MRTFA: variants seen among roughly 807,000 people sequenced by gnomAD.
The protein encoded by MRTFA is myocardin related transcription factor A, also known as myocardin-related transcription factor A.
In MRTFA, 20 loss-of-function variants were observed where a neutral mutation model predicts 83.5. The observed-to-expected ratio is 0.24, with a 90% CI of 0.17 to 0.35. The LOEUF is 0.35. MRTFA is among the 10% of genes least tolerant of loss of function. The pLI, the probability that MRTFA is intolerant of heterozygous loss-of-function variation, is 1.00. For synonymous variants in MRTFA, 659 were observed against 541.2 expected (o/e 1.22, Z -3.02); for missense variants, 1,200 against 1,224.7 (o/e 0.98, Z 0.30).
intron 3 of MRTFA, among the ~76,000 whole-genome samples, chr22:40,529,962 C>T (rs180898503): frequency 3.3e-5 from 5 of 152,290 alleles, no homozygotes; most frequent in Non-Finnish European, 7.4e-5. Context: ...GGTGTGCATA[C>T]ATACATGCAC....
In MRTFA at chr22:40,611,465, G is replaced by A. The variant is rs142854914; in HGVS notation, c.-83-16730C>T. On this transcript the variant is annotated intron_variant, in intron 1 of 14. Transcript: ENST00000355630. Reference sequence around the variant, plus strand: ...TTACTGTGTTGCCCAGGCTGGTCTCGAATTCCCAGCCTCAAGTAATCCTCC... The same window carrying A: ...TTACTGTGTTGCCCAGGCTGGTCTCAAATTCCCAGCCTCAAGTAATCCTCC... Among the ~76,000 whole-genome samples the A allele has an allele frequency of 5.8e-3, 886 of 151,574 alleles. 9 individuals are homozygous for A. The highest frequency in any genetic ancestry group is 0.021 in the African/African-American group (860 of 41,284).
At chr22:40,485,659 G>A (rs1478962060) in intron 3 of MRTFA, among the ~76,000 whole-genome samples, 1 of 152,150 alleles carries the variant, frequency 6.6e-6, no homozygotes, top group Non-Finnish European at 1.5e-5. Flanking sequence ...ATTCCTAGAT[G>A]GAAGGTTTAG....
At chr22:40,588,946 C>A (rs553790082) in intron 2 of MRTFA, among the ~76,000 whole-genome samples, 1 of 152,122 alleles carries the variant, frequency 6.6e-6, no homozygotes, top group East Asian at 1.9e-4. Flanking sequence ...TGCGCCACTG[C>A]ATTCCAGCCT....
chr22:40,595,412 C>T (rs1393006534), intron 1 of MRTFA, among the ~76,000 whole-genome samples: 4 of 152,056 alleles, frequency 2.6e-5, no homozygotes, highest in African/African-American at 9.7e-5. Context: ...TGAGCCACCG[C>T]GCCCGGCCGA....
chr22:40,456,745 T>C (rs1368209775), intron 4 of MRTFA, among the ~76,000 whole-genome samples: 3 of 152,322 alleles, frequency 2.0e-5, no homozygotes, highest in Non-Finnish European at 2.9e-5. Flanking sequence ...ATATCTTTAT[T>C]ATCACCATTA....
Position 40,595,116 on chromosome 22 carries a change from CT to C in MRTFA, c.-83-382del, listed in dbSNP as rs778797295. On this transcript the variant is annotated intron_variant, in intron 1 of 14. Coordinates refer to ENST00000355630, the MANE Select transcript of MRTFA (RefSeq NM_020831.6). ...TGCTCTTATTGGTGTTGATAAATGC[CT>C]TTTTTTTTTTTTTTTTTTTTGGACA... Among the ~76,000 whole-genome samples the C allele has an allele frequency of 2.9e-3, 343 of 119,272 alleles. 1 individual carries two copies. Among genetic ancestry groups the C allele is most frequent in the Middle Eastern group, 8.5e-3 (2 of 234 alleles). The allele number at this position is 119,272 out of a possible 152,430, so 78.2% of individuals were successfully genotyped here. A position where few individuals can be genotyped will look rare whatever the true frequency, so the allele number is the denominator to read the frequency against.
intron 1 of MRTFA, among the ~76,000 whole-genome samples, chr22:40,631,058 C>G (rs2056636382): frequency 6.6e-6 from 1 of 152,156 alleles, no homozygotes; most frequent in African/African-American, 2.4e-5. Context: ...GTAAGAGACA[C>G]CCTTAATGGC....
chr22:40,572,167 A>G (rs988865110), intron 2 of MRTFA, among the ~76,000 whole-genome samples: 3 of 152,228 alleles, frequency 2.0e-5, no homozygotes, highest in Admixed American at 2.0e-4. Context: ...ATATAGAGAA[A>G]TAAAGTAGAT....
At chr22:40,515,163 A>G (rs1481611871) in intron 3 of MRTFA, among the ~76,000 whole-genome samples, 1 of 151,086 alleles carries the variant, frequency 6.6e-6, no homozygotes, top group East Asian at 2.0e-4. Flanking sequence ...TGCCTCACCC[A>G]CCCAAAGTGC....
chr22:40,589,568 T>C (rs2056088049), intron 2 of MRTFA, among the ~76,000 whole-genome samples: 1 of 152,128 alleles, frequency 6.6e-6, no homozygotes, highest in Non-Finnish European at 1.5e-5. Context: ...GGAAAGAACT[T>C]GTCTGAAAAC....
intron 3 of MRTFA, among the ~76,000 whole-genome samples, chr22:40,470,766 T>C (rs564389299): frequency 1.7e-4 from 26 of 151,066 alleles, no homozygotes; most frequent in Admixed American, 3.3e-4. Flanking sequence ...CTCACCAATA[T>C]GGTGAAACCC....
intron 5 of MRTFA, 68 bp from the exon 6 acceptor site, chr22:40,431,548 A>C: frequency 6.9e-7 from 1 of 1,456,360 alleles, no homozygotes; most frequent in Non-Finnish European, 9.6e-7. Flanking sequence ...ACAGGATCAC[A>C]ACAGCAGCCT....
chr22:40,542,821 C>T (rs2055311241), intron 3 of MRTFA, among the ~76,000 whole-genome samples: 1 of 152,148 alleles, frequency 6.6e-6, no homozygotes, highest in Non-Finnish European at 1.5e-5. Context: ...AGAATTGGGT[C>T]TGTAGTATTA....
intron 2 of MRTFA, among the ~76,000 whole-genome samples, chr22:40,579,879 C>T (rs1439373566): frequency 6.7e-6 from 1 of 149,528 alleles, no homozygotes; most frequent in African/African-American, 2.4e-5. Context: ...AAAAAAGACA[C>T]AAATGCTGTT....
chr22:40,430,881 A>G (rs974494411), intron 6 of MRTFA, among the ~76,000 whole-genome samples: 1 of 149,908 alleles, frequency 6.7e-6, no homozygotes, highest in Non-Finnish European at 1.5e-5. Flanking sequence ...AAAAAAAAAA[A>G]GCGGGGGAAG....
intron 3 of MRTFA, among the ~76,000 whole-genome samples, chr22:40,535,175 A>G (rs2055146523): frequency 6.6e-6 from 1 of 152,122 alleles, no homozygotes; most frequent in Non-Finnish European, 1.5e-5. Context: ...CCTTCTGGCA[A>G]CCAAATTTTC....
intron 1 of MRTFA, among the ~76,000 whole-genome samples, chr22:40,597,304 T>A (rs940252874): frequency 2.0e-5 from 3 of 152,266 alleles, no homozygotes; most frequent in African/African-American, 7.2e-5. Context: ...CACGAATACG[T>A]CTGCTACGTA....
chr22:40,417,513 G>T lies in MRTFA; in HGVS notation c.2365-20C>A. On this transcript the variant is annotated intron_variant, in intron 12 of 14. Coordinates refer to ENST00000355630, the MANE Select transcript of MRTFA (RefSeq NM_020831.6). Reference sequence around the variant, plus strand: ...CGAGGGCTGGACAGGAGAGCAGGGAGAGGACCAGTGGCCAGGGGGCTGGGG... The same window carrying T: ...CGAGGGCTGGACAGGAGAGCAGGGATAGGACCAGTGGCCAGGGGGCTGGGG... 7.6e-7 allele frequency: 1 copy of T among 1,322,932 alleles called. No individual in the cohort carries two copies. Among genetic ancestry groups the T allele is most frequent in the Non-Finnish European group, 1.0e-6 (1 of 1,003,242 alleles). The allele number at this position is 1,322,932 out of a possible 1,614,324, so 81.9% of individuals were successfully genotyped here.
At chr22:40,477,776 G>A (rs1421294194) in intron 3 of MRTFA, among the ~76,000 whole-genome samples, 1 of 151,818 alleles carries the variant, frequency 6.6e-6, no homozygotes, top group Admixed American at 6.6e-5. Flanking sequence ...GGGGGTGGGG[G>A]ATGCGGAGAG....
Sources: gnomAD v4.1 joint callset for allele counts (sites outside exome capture counted in the v4.1 genomes callset) on GRCh38, gnomAD v4.1.1 for gene constraint, MANE v1.5 for transcripts, NCBI Gene and HGNC (gene_info 2026-07-23, HGNC 2026-07-21) for gene names.